The following TMEM232 variants were observed in gnomAD, a reference collection of about 807,000 sequenced individuals.
TMEM232 encodes the protein transmembrane protein 232.
TMEM232 carries 80 observed loss-of-function variants against 78.8 expected under a neutral mutation model. The ratio of observed to expected loss-of-function variants is 1.01; its 90% CI spans 0.85 to 1.22. TMEM232 has a LOEUF of 1.22. TMEM232 is among the 50% of genes most tolerant of loss of function. TMEM232 has a pLI of 0.00. For synonymous variants in TMEM232, 297 were observed against 254.3 expected (o/e 1.17, Z -1.60); for missense variants, 881 against 742.2 (o/e 1.19, Z -2.17).
intron 2 of TMEM232, among the ~76,000 whole-genome samples, chr5:110,650,484 A>G (rs1788154981): frequency 1.3e-5 from 2 of 152,114 alleles, no homozygotes; most frequent in African/African-American, 2.4e-5. Flanking sequence ...AATCAACATC[A>G]GCAGTGATAA....
At chr5:110,670,517 T>A (rs1197066790) in intron 1 of TMEM232, among the ~76,000 whole-genome samples, 1 of 152,158 alleles carries the variant, frequency 6.6e-6, no homozygotes, top group African/African-American at 2.4e-5. Flanking sequence ...TCCATGCTCA[T>A]GGATAGGAAG....
chr5:110,527,288 G>C lies in TMEM232; in HGVS notation c.1703+1300C>G, dbSNP rs1451431590. Among the ~76,000 whole-genome samples, 3 of 151,864 alleles carry C rather than the reference G, an allele frequency of 2.0e-5. No homozygotes were observed. The East Asian group carries it at 5.8e-4, about 29-fold the overall frequency. ...TTTGCAAACACAGTAATATACTGTG[G>C]CAATAGTTATAAAGGATAAGTGAGT... On this transcript the variant is annotated intron_variant, in intron 12 of 13. Coordinates refer to ENST00000455884, the MANE Select transcript of TMEM232 (RefSeq NM_001039763.4).
chr5:110,687,791 T>A (rs1793612661), intron 1 of TMEM232, among the ~76,000 whole-genome samples: 1 of 152,076 alleles, frequency 6.6e-6, no homozygotes, highest in Non-Finnish European at 1.5e-5. Flanking sequence ...AAATCCTAAT[T>A]GCAAACCTTT....
chr5:110,508,483 T>A (rs1767226284), intron 12 of TMEM232, among the ~76,000 whole-genome samples: 1 of 151,412 alleles, frequency 6.6e-6, no homozygotes, highest in Non-Finnish European at 1.5e-5. Context: ...TGAACATAAA[T>A]GTCACACAAT....
At chr5:110,511,459 AAG>A (rs1282380936) in intron 12 of TMEM232, among the ~76,000 whole-genome samples, 1 of 151,978 alleles carries the variant, frequency 6.6e-6, no homozygotes, top group Non-Finnish European at 1.5e-5. Context: ...AAAAAAGAAA[AAG>A]AAAAATGATA....
intron 2 of TMEM232, among the ~76,000 whole-genome samples, chr5:110,662,119 G>C (rs974589945): frequency 5.9e-5 from 9 of 151,990 alleles, no homozygotes; most frequent in African/African-American, 2.2e-4. Context: ...GAATTAATAA[G>C]AAAATTTAGC....
rs115996620 is a variant in TMEM232, at chr5:110,592,131, T to C, written c.1276+12978A>G. Among the ~76,000 whole-genome samples, 338 of 152,292 alleles carry C rather than the reference T, an allele frequency of 2.2e-3. 7 individuals carry two copies. Among genetic ancestry groups the C allele is most frequent in the African/African-American group, 7.8e-3 (324 of 41,574 alleles). ...TCCTATCATTTGACTGGTGAGATAC[T>C]TGACAATGTATTTGTCAAGTAATGG... On this transcript the variant is annotated intron_variant, in intron 10 of 13. Coordinates refer to ENST00000455884, the MANE Select transcript of TMEM232 (RefSeq NM_001039763.4).
At chr5:110,403,200 T>A (rs953114166) in intron 2 of TMEM232, among the ~76,000 whole-genome samples, 24 of 152,172 alleles carry the variant, frequency 1.6e-4, no homozygotes, top group Admixed American at 1.6e-3. Flanking sequence ...CAGAGAAAAT[T>A]TTTTAGTAAC....
At chr5:110,738,345 GA>G, upstream of TMEM232, 1 of 871,630 alleles carries the variant, frequency 1.1e-6, no homozygotes, top group Non-Finnish European at 1.5e-6. Context: ...GAGTGATTTA[GA>G]CACATCAGAA....
intron 2 of TMEM232, among the ~76,000 whole-genome samples, chr5:110,398,558 T>C (rs1428618511): frequency 6.6e-6 from 1 of 152,162 alleles, no homozygotes; most frequent in Non-Finnish European, 1.5e-5. Context: ...TCAGCCCTGA[T>C]GCCACATGCT....
intron 12 of TMEM232, among the ~76,000 whole-genome samples, chr5:110,517,792 T>A (rs372721460): frequency 6.6e-6 from 1 of 152,156 alleles, no homozygotes; most frequent in East Asian, 1.9e-4. Context: ...GCAGATAGCA[T>A]TTTTTCTAAG....
At chr5:110,404,793 C>T (rs1380378746) in intron 2 of TMEM232, among the ~76,000 whole-genome samples, 3 of 152,026 alleles carry the variant, frequency 2.0e-5, no homozygotes, top group Admixed American at 6.6e-5. Context: ...AGTACCATGG[C>T]AACTTCTCTA....
chr5:110,451,782 A>C (rs1454012221), intron 12 of TMEM232, among the ~76,000 whole-genome samples: 1 of 152,086 alleles, frequency 6.6e-6, no homozygotes, highest in African/African-American at 2.4e-5. Flanking sequence ...ATTTATTAGT[A>C]TCATAGGTAG....
chr5:110,566,707 T>A (rs1421784922), intron 11 of TMEM232, among the ~76,000 whole-genome samples: 1 of 151,930 alleles, frequency 6.6e-6, no homozygotes, highest in Non-Finnish European at 1.5e-5. Flanking sequence ...TTCCAAACTT[T>A]CCCACATTTT....
At chr5:110,509,428 A>G (rs1271433237) in intron 12 of TMEM232, among the ~76,000 whole-genome samples, 3 of 152,080 alleles carry the variant, frequency 2.0e-5, no homozygotes, top group Non-Finnish European at 4.4e-5. Context: ...GAGCAAGACC[A>G]TATCTCCAAA....
intron 12 of TMEM232, among the ~76,000 whole-genome samples, chr5:110,527,358 A>G (rs921105826): frequency 2.0e-5 from 3 of 151,934 alleles, no homozygotes; most frequent in Admixed American, 1.3e-4. Flanking sequence ...AGGCAAATAC[A>G]ACATATTTTC....
intron 12 of TMEM232, among the ~76,000 whole-genome samples, chr5:110,501,624 G>A (rs557476361): frequency 1.5e-4 from 23 of 152,046 alleles, no homozygotes; most frequent in Non-Finnish European, 2.8e-4. Flanking sequence ...GAAATAACTC[G>A]CAGGTCCCAA....
intron 1 of TMEM232, among the ~76,000 whole-genome samples, chr5:110,705,894 C>A (rs765685611): frequency 8.6e-5 from 13 of 151,604 alleles, no homozygotes; most frequent in Non-Finnish European, 1.3e-4. Context: ...CTAATTTCAA[C>A]CCCCCTCCAA....
chr5:110,546,443 T>C (rs1267373120), intron 11 of TMEM232, among the ~76,000 whole-genome samples: 1 of 152,098 alleles, frequency 6.6e-6, no homozygotes, highest in Non-Finnish European at 1.5e-5. Context: ...AAACACTGCA[T>C]TATATTCAAT....
Sources: allele counts gnomAD v4.1 joint callset (sites outside exome capture counted in the v4.1 genomes callset), GRCh38; gene constraint gnomAD v4.1.1; transcripts MANE v1.5; gene names NCBI Gene and HGNC (gene_info 2026-07-23, HGNC 2026-07-21).